Variants in EXT2 observed in about 807,000 individuals in gnomAD.
EXT2 encodes exostosin glycosyltransferase 2, also known as exostosin-2.
In EXT2, 53 loss-of-function variants were observed where a neutral mutation model predicts 81.6. The ratio of observed to expected loss-of-function variants is 0.65; its 90% CI spans 0.52 to 0.82. EXT2 has a LOEUF of 0.82. EXT2 is among the 40% of genes least tolerant of loss of function. EXT2 has a pLI of 0.00. For missense variants in EXT2, 774 were observed against 910.2 expected, an observed-to-expected ratio of 0.85 and a Z score of 1.93; for synonymous variants, 320 against 340.0, an observed-to-expected ratio of 0.94 and a Z score of 0.65.
At chr11:44,242,586 C>T (rs1481436577) in intron 13 of EXT2, among the ~76,000 whole-genome samples, 1 of 152,066 alleles carries the variant, frequency 6.6e-6, no homozygotes, top group Admixed American at 6.5e-5. Flanking sequence ...CCTCTCTGAA[C>T]CTTAATTTCT....
At chr11:44,233,041 T>G (rs1955917772) in intron 11 of EXT2, among the ~76,000 whole-genome samples, 1 of 152,196 alleles carries the variant, frequency 6.6e-6, no homozygotes, top group African/African-American at 2.4e-5. Flanking sequence ...TCATAACTGT[T>G]TGTACTCATG....
At chr11:44,107,029 C>A (rs1954065213) in intron 1 of EXT2, among the ~76,000 whole-genome samples, 1 of 152,136 alleles carries the variant, frequency 6.6e-6, no homozygotes, top group South Asian at 2.1e-4. Context: ...TTTTGCTATT[C>A]CACTTTTGAT....
At chr11:44,158,554 T>A (rs1299035550) in intron 7 of EXT2, among the ~76,000 whole-genome samples, 1 of 150,904 alleles carries the variant, frequency 6.6e-6, no homozygotes, top group African/African-American at 2.4e-5. Context: ...ATTAATTTAA[T>A]TTTAATTAAA....
chr11:44,106,325 C>T (rs1590545368), intron 1 of EXT2, among the ~76,000 whole-genome samples: 1 of 151,922 alleles, frequency 6.6e-6, no homozygotes, highest in Non-Finnish European at 1.5e-5. Context: ...CTTCCTTTTC[C>T]TCCCTCCCTT....
intron 7 of EXT2, among the ~76,000 whole-genome samples, chr11:44,164,876 C>CTTTT (rs372890914): frequency 3.6e-5 from 5 of 137,536 alleles, no homozygotes; most frequent in African/African-American, 1.1e-4. Context: ...CTCATTCACA[C>CTTTT]TTTTTTTTTT....
chr11:44,155,826 C>T (rs565503648), intron 7 of EXT2, among the ~76,000 whole-genome samples: 84 of 152,178 alleles, frequency 5.5e-4, no homozygotes, highest in Admixed American at 1.2e-3. Flanking sequence ...TTGCTATTAC[C>T]GGTGGGTTTT....
chr11:44,164,007 G>A (rs1954960661), intron 7 of EXT2, among the ~76,000 whole-genome samples: 1 of 152,024 alleles, frequency 6.6e-6, no homozygotes, highest in Admixed American at 6.6e-5. Flanking sequence ...TCGTCCTACA[G>A]TTCTAGAGTA....
At chr11:44,130,372 A>G (rs1454689543) in intron 7 of EXT2, among the ~76,000 whole-genome samples, 1 of 152,250 alleles carries the variant, frequency 6.6e-6, no homozygotes, top group Non-Finnish European at 1.5e-5. Context: ...TTAGGGTCTT[A>G]CCATAGCAGA....
intron 7 of EXT2, among the ~76,000 whole-genome samples, chr11:44,155,287 A>G (rs149904667): frequency 1.3e-5 from 2 of 152,122 alleles, no homozygotes; most frequent in Admixed American, 6.5e-5. Flanking sequence ...ATGGTGAGAG[A>G]TAGGTACCTA....
chr11:44,216,669 G>C (rs1328068967), intron 10 of EXT2, among the ~76,000 whole-genome samples: 1 of 152,052 alleles, frequency 6.6e-6, no homozygotes, highest in Non-Finnish European at 1.5e-5. Context: ...AGGGTTGGAA[G>C]AATTGATTTA....
chr11:44,177,065 T>A (rs1955168746), intron 8 of EXT2, among the ~76,000 whole-genome samples: 1 of 152,090 alleles, frequency 6.6e-6, no homozygotes, highest in Non-Finnish European at 1.5e-5. Context: ...CACCACACCC[T>A]CAGAACCTGA....
rs1954418382 is a variant in EXT2, at chr11:44,127,054, C to A, written c.1079+99C>A. 7 of 1,441,430 alleles carry A rather than the reference C, an allele frequency of 4.9e-6. No individual in the cohort carries two copies. The Admixed American group carries it at 1.2e-4, about 24-fold the overall frequency. 89.3% of individuals were successfully genotyped at this position (1,441,430 alleles called of 1,614,324 possible). A position where few individuals can be genotyped will look rare whatever the true frequency, so the allele number is the denominator to read the frequency against. On this transcript the variant is annotated intron_variant, in intron 6 of 13. Transcript: ENST00000533608. ...TGTAATGTATACCCTGGTTCAAGAA[C>A]TACTACAGATAGTTTTTCTCTATTT...
At position 44,225,903 on chromosome 11, in the gene EXT2, C is replaced by T. The variant is rs1222277882; in HGVS notation, c.1663-6450C>T. On this transcript the variant is annotated intron_variant, in intron 10 of 13. Transcript: ENST00000533608. ...TAGCTTGGACAGTGGTCATCAGCTC[C>T]AACTGCCAAAGTGTGAGTCTTCTTA... Among the ~76,000 whole-genome samples, 3 of 152,210 alleles carry T rather than the reference C, an allele frequency of 2.0e-5. No homozygotes were observed. In the East Asian group the frequency reaches 5.8e-4, roughly 29 times the overall value.
Position 44,232,474 on chromosome 11 carries a change from C to A in EXT2, c.1784C>A (p.Thr595Asn). ...EWTNEVSMVL[T>N]GAAFYHKYFN... Reference sequence around the variant, plus strand: ...ACGAATGAAGTGTCCATGGTGCTCACTGGGGCAGCTTTTTATCACAAGGTA... The same window carrying A: ...ACGAATGAAGTGTCCATGGTGCTCAATGGGGCAGCTTTTTATCACAAGGTA... The change falls in exon 11 of 14, where the codon ACT (threonine) becomes AAT (asparagine). Residue 595 changes from threonine to asparagine, a missense_variant. Around this residue, in one of 2 missense-constraint regions of EXT2, gnomAD observed 148 missense variants for 239.7 expected, o/e 0.62. Coordinates refer to ENST00000533608, the MANE Select transcript of EXT2 (RefSeq NM_207122.2). The A allele has an allele frequency of 6.2e-7, 1 of 1,613,980 alleles. No individual in the cohort carries two copies. The highest frequency in any genetic ancestry group is 8.5e-7 in the Non-Finnish European group (1 of 1,179,938).
chr11:44,125,801 T>C (rs894772482), intron 5 of EXT2, among the ~76,000 whole-genome samples: 1 of 152,040 alleles, frequency 6.6e-6, no homozygotes, highest in African/African-American at 2.4e-5. Flanking sequence ...GGCAGGAGTA[T>C]TTATAGTAAC....
At chr11:44,182,416 CT>C (rs1051027476) in intron 8 of EXT2, among the ~76,000 whole-genome samples, 3 of 150,798 alleles carry the variant, frequency 2.0e-5, no homozygotes, top group Admixed American at 6.6e-5. Context: ...GAAGCTTTAG[CT>C]TTTTTTTTGC....
At chr11:44,103,543 C>CT in intron 1 of EXT2, 1 of 352,324 alleles carries the variant, frequency 2.8e-6, no homozygotes. Context: ...CTAAACTGAG[C>CT]TTTGAAGTGT....
chr11:44,151,757 G>A (rs1954795272), intron 7 of EXT2, among the ~76,000 whole-genome samples: 1 of 152,104 alleles, frequency 6.6e-6, no homozygotes, highest in South Asian at 2.1e-4. Flanking sequence ...GGCTTGCATG[G>A]CAAGAATACG....
At chr11:44,165,468 G>A (rs1203544656) in intron 7 of EXT2, among the ~76,000 whole-genome samples, 3 of 152,198 alleles carry the variant, frequency 2.0e-5, no homozygotes, top group Non-Finnish European at 4.4e-5. Context: ...TATGATTATT[G>A]GCAAAACTTG....
Sources: gnomAD v4.1 joint callset for allele counts (sites outside exome capture counted in the v4.1 genomes callset) on GRCh38, gnomAD v4.1.1 for gene constraint, gnomAD v4.1.1 regional missense constraint, MANE v1.5 for transcripts, NCBI Gene and HGNC (gene_info 2026-07-23, HGNC 2026-07-21) for gene names.